The following BECN1 variants were observed in gnomAD, a reference collection of about 807,000 sequenced individuals.
The protein encoded by BECN1 is beclin-1.
BECN1 carries 15 observed loss-of-function variants against 60.1 expected under a neutral mutation model. The observed-to-expected ratio is 0.25, with a 90% CI of 0.17 to 0.38. BECN1 has a LOEUF of 0.38. BECN1 is among the 10% of genes least tolerant of loss of function. BECN1 has a pLI of 1.00. For synonymous variants in BECN1, 179 were observed against 201.8 expected (o/e 0.89, Z 0.96); for missense variants, 424 against 548.2 (o/e 0.77, Z 2.26).
chr17:42,815,622 T>A, intron 8 of BECN1: 1 of 447,154 alleles, frequency 2.2e-6, no homozygotes, highest in Admixed American at 3.9e-5. Flanking sequence ...ATTAAATTAA[T>A]GGAACATCAA....
At chr17:42,813,306 G>A (rs1375083503) in intron 10 of BECN1, among the ~76,000 whole-genome samples, 2 of 151,734 alleles carry the variant, frequency 1.3e-5, no homozygotes, top group Admixed American at 6.6e-5. Flanking sequence ...AGGCTGAGGC[G>A]GGTGGATCAC....
intron 4 of BECN1, 161 bp from the exon 5 acceptor site, chr17:42,819,038 A>G: frequency 2.8e-6 from 2 of 704,058 alleles, no homozygotes; most frequent in Non-Finnish European, 4.6e-6. Context: ...CTCTCTCCCA[A>G]AGGAAGGCCA....
chr17:42,818,186 C>G, intron 7 of BECN1, 35 bp downstream of exon 7: 1 of 1,600,894 alleles, frequency 6.2e-7, no homozygotes, highest in African/African-American at 1.3e-5. Context: ...CCTGGAGCCT[C>G]GAGTGTGAGA....
At chr17:42,818,521 G>T (rs2055192491) in intron 6 of BECN1, 23 bp downstream of exon 6, 1 of 1,613,906 alleles carries the variant, frequency 6.2e-7, no homozygotes, top group Admixed American at 1.7e-5. Context: ...ACAGCTCTGA[G>T]CCCTGGCTCT....
chr17:42,814,444 A>G, intron 9 of BECN1, 80 bp downstream of exon 9: 1 of 1,570,252 alleles, frequency 6.4e-7, no homozygotes, highest in East Asian at 2.2e-5. Flanking sequence ...GGCTCCTGAC[A>G]TGGTGGACAG....
Position 42,820,790 on chromosome 17 carries a change from T to C in BECN1, c.182A>G (p.Glu61Gly), listed in dbSNP as rs1321784340. 6.3e-7 allele frequency: 1 copy of C among 1,593,832 alleles called. No homozygotes were observed. Among genetic ancestry groups the C allele is most frequent in the Admixed American group, 1.8e-5 (1 of 56,928 alleles). The change falls in exon 3 of 12, where the codon GAG becomes GGG. Residue 61 changes from glutamate (E) to glycine (G), a missense_variant. Around this residue, in one of 3 missense-constraint regions of BECN1, gnomAD observed 96 missense variants for 125.6 expected, o/e 0.76. Coordinates refer to ENST00000590099, the MANE Select transcript of BECN1 (RefSeq NM_001313998.2). Reference sequence around the variant, plus strand: ...TTCTATTACCTCTCCTGAGTTAGTCTCTTCCTCCTGGGTCTCTCCTGGTTT... The same window carrying C: ...TTCTATTACCTCTCCTGAGTTAGTCCCTTCCTCCTGGGTCTCTCCTGGTTT... The part of the protein sequence containing the change: ...QAKPGETQEE[E>G]TNSGEEPFIE...
chr17:42,824,248 T>C lies in BECN1; in HGVS notation c.-96A>G, dbSNP rs2055342608. 2.5e-6 allele frequency: 1 copy of C among 401,816 alleles called. No homozygotes were observed. The highest frequency in any genetic ancestry group is 4.4e-6 in the Non-Finnish European group (1 of 226,998). 24.9% of individuals were successfully genotyped at this position (401,816 alleles called of 1,614,324 possible). A position where few individuals can be genotyped will look rare whatever the true frequency, so the allele number is the denominator to read the frequency against. ...CGGAGCGAGGCCTCCAGAACTACCATCGCTCTGTCTTCAGCGACTTCCCGG... is the reference window on the plus strand; with the variant it reads ...CGGAGCGAGGCCTCCAGAACTACCACCGCTCTGTCTTCAGCGACTTCCCGG... On this transcript the variant is annotated 5_prime_UTR_variant, in exon 1 of 12. It removes an upstream start codon present in the reference 5' UTR. Transcript: ENST00000590099.
At position 42,824,166 on chromosome 17, in the gene BECN1, G is replaced by A. The variant is rs957777969; in HGVS notation, c.-14C>T. The A allele has an allele frequency of 1.4e-5, 6 of 434,412 alleles. No individual in the cohort carries two copies. Among genetic ancestry groups the A allele is most frequent in the Non-Finnish European group, 2.0e-5 (5 of 245,074 alleles). The allele number at this position is 434,412 out of a possible 1,614,324, so 26.9% of individuals were successfully genotyped here. A position where few individuals can be genotyped will look rare whatever the true frequency, so the allele number is the denominator to read the frequency against. ...CCGATGCTCTTCACCTCGGGAGCCCGGAGCCCGTCACCCAAGTCCGGTCTA... is the reference window on the plus strand; with the variant it reads ...CCGATGCTCTTCACCTCGGGAGCCCAGAGCCCGTCACCCAAGTCCGGTCTA... On this transcript the variant is annotated 5_prime_UTR_variant, in exon 1 of 12. Coordinates refer to ENST00000590099, the MANE Select transcript of BECN1 (RefSeq NM_001313998.2).
intron 2 of BECN1, among the ~76,000 whole-genome samples, chr17:42,821,477 C>A (rs1354144891): frequency 6.6e-6 from 1 of 152,156 alleles, no homozygotes; most frequent in Non-Finnish European, 1.5e-5. Flanking sequence ...GTAGACAAAA[C>A]TTGATTAAAT....
At chr17:42,819,525 G>A in intron 4 of BECN1, 23 bp downstream of exon 4, 1 of 1,611,620 alleles carries the variant, frequency 6.2e-7, no homozygotes, top group Non-Finnish European at 8.5e-7. Context: ...GGCAAGGAAT[G>A]GGGGCTGAGA....
At chr17:42,816,271 A>G (rs758996762) in intron 7 of BECN1, among the ~76,000 whole-genome samples, 1 of 152,242 alleles carries the variant, frequency 6.6e-6, no homozygotes, top group Admixed American at 6.5e-5. Context: ...ATATGCAAAA[A>G]GGTGGAGGAA....
At position 42,819,587 on chromosome 17, in the gene BECN1, C is replaced by T. The variant is rs200813134; in HGVS notation, c.221G>A (p.Arg74His). 40 of 1,613,462 alleles carry T rather than the reference C, an allele frequency of 2.5e-5. No homozygotes were observed. In the East Asian group the frequency reaches 3.3e-4, roughly 13 times the overall value. ...SGEEPFIETP[R>H]QDGVSRRFIP... ...GAATCTGCGAGAGACACCATCCTGG[C>T]GAGGAGTTTCAATAAATGGCTCCTG... Residue 74 changes from arginine (R) to histidine (H), a missense_variant, in exon 4 of 12, where the codon CGC becomes CAC. Physicochemically the swap from Arg to His is conservative, Grantham distance 29. Around this residue, in one of 3 missense-constraint regions of BECN1, gnomAD observed 96 missense variants for 125.6 expected, o/e 0.76. Coordinates refer to ENST00000590099, the MANE Select transcript of BECN1 (RefSeq NM_001313998.2).
Position 42,810,527 on chromosome 17 carries a change from C to A in BECN1, c.*233G>T. ...TTTCAGAGAAGAAAGGGAAAGGAGT[C>A]CATGGGGTTAAGAATCAAAACTGAC... is the stretch of plus-strand genomic sequence containing the variant. On this transcript the variant is annotated 3_prime_UTR_variant, in exon 12 of 12. Coordinates refer to ENST00000590099, the MANE Select transcript of BECN1 (RefSeq NM_001313998.2). The A allele has an allele frequency of 2.8e-6, 1 of 357,366 alleles. No individual in the cohort carries two copies. The highest frequency in any genetic ancestry group is 4.9e-6 in the Non-Finnish European group (1 of 202,428). 22.1% of individuals were successfully genotyped at this position (357,366 alleles called of 1,614,324 possible).
intron 3 of BECN1, among the ~76,000 whole-genome samples, chr17:42,820,123 C>A (rs538106361): frequency 1.3e-4 from 20 of 152,270 alleles, no homozygotes; most frequent in African/African-American, 4.8e-4. Flanking sequence ...CTCTTCACTG[C>A]CTGCAGGGGG....
intron 1 of BECN1, 127 bp from the exon 2 acceptor site, chr17:42,824,006 G>T: frequency 1.6e-6 from 2 of 1,246,748 alleles, no homozygotes; most frequent in Non-Finnish European, 2.2e-6. Context: ...TTCCCTCTAG[G>T]AATGGTATGA....
rs766512460 is a variant in BECN1, at chr17:42,818,863, T to C, written c.275A>G (p.Glu92Gly). Residue 92 changes from glutamate (E) to glycine (G), a missense_variant, in exon 5 of 12, where the codon GAA (glutamate) becomes GGA (glycine). By Grantham distance (98) the Glu-to-Gly change is moderately conservative. Transcript: ENST00000590099. ...AATCAGAGTGAAGCTGTTGGCACTT[T>C]CTGTGGACATCATCCTGCAGACAGC... ...FIPPARMMST[E>G]SANSFTLIGE... 6.2e-7 allele frequency: 1 copy of C among 1,614,170 alleles called. No homozygotes were observed. Among genetic ancestry groups the C allele is most frequent in the Admixed American group, 1.7e-5 (1 of 60,018 alleles).
Position 42,810,655 on chromosome 17 carries a change from T to C in BECN1, c.*105A>G. The C allele has an allele frequency of 8.1e-7, 1 of 1,227,240 alleles. No individual in the cohort carries two copies. 76.0% of individuals were successfully genotyped at this position (1,227,240 alleles called of 1,614,324 possible). A position where few individuals can be genotyped will look rare whatever the true frequency, so the allele number is the denominator to read the frequency against. ...TTGTGGATTTTTTCTTTTTTGGTATTGTAAACATGTACTGTTTAATATTAC... is the reference window on the plus strand; with the variant it reads ...TTGTGGATTTTTTCTTTTTTGGTATCGTAAACATGTACTGTTTAATATTAC... On this transcript the variant is annotated 3_prime_UTR_variant, in exon 12 of 12. Transcript: ENST00000590099.
chr17:42,811,052 G>A (rs975451241), intron 11 of BECN1, 124 bp from the exon 12 acceptor site: 1 of 1,058,576 alleles, frequency 9.4e-7, no homozygotes, highest in East Asian at 2.6e-5. Flanking sequence ...GGTGAGGAAT[G>A]ATAGTGTATT....
intron 1 of BECN1, 34 bp downstream of exon 1, chr17:42,824,121 C>T: frequency 2.0e-6 from 1 of 508,508 alleles, no homozygotes; most frequent in Non-Finnish European, 3.5e-6. Context: ...AGACTCCCTT[C>T]TAAGGTCCCA....
Sources: allele counts gnomAD v4.1 joint callset (sites outside exome capture counted in the v4.1 genomes callset), GRCh38; gene constraint gnomAD v4.1.1; regional missense constraint gnomAD v4.1.1; transcripts MANE v1.5; gene names NCBI Gene and HGNC (gene_info 2026-07-23, HGNC 2026-07-21).